Variants in MAP3K9 observed in about 807,000 individuals in gnomAD.
The protein encoded by MAP3K9 is mitogen-activated protein kinase kinase kinase 9.
MAP3K9 carries 46 observed loss-of-function variants against 95.8 expected under a neutral mutation model. The ratio of observed to expected loss-of-function variants is 0.48; its 90% CI spans 0.38 to 0.61. MAP3K9 has a LOEUF of 0.61. Ranked by LOEUF, MAP3K9 falls within the 20% of genes least tolerant of loss-of-function variation. The probability of loss-of-function intolerance (pLI) is 0.00; values close to 1 mark genes in which losing one functional copy is unlikely to be tolerated. For missense variants in MAP3K9, 1,296 were observed against 1,474.3 expected (o/e 0.88, Z 1.98); for synonymous variants, 533 against 593.8 (o/e 0.90, Z 1.49).
chr14:70,761,253 C>A, intron 2 of MAP3K9, 71 bp from the exon 3 acceptor site: 1 of 1,302,418 alleles, frequency 7.7e-7, no homozygotes. Flanking sequence ...GAACAGAACT[C>A]TTCTGCCATC....
At chr14:70,787,643 C>T (rs181822392) in intron 2 of MAP3K9, among the ~76,000 whole-genome samples, 5 of 152,234 alleles carry the variant, frequency 3.3e-5, no homozygotes, top group Admixed American at 3.3e-4. Context: ...CAAAGACACA[C>T]ATTGGGCTTC....
At chr14:70,733,380 G>A (rs1376347475) in intron 10 of MAP3K9, 38 bp from the exon 11 acceptor site, 2 of 916,404 alleles carry the variant, frequency 2.2e-6, no homozygotes, top group South Asian at 3.4e-5. Flanking sequence ...AACAGGAAAT[G>A]GAAATGAGGT....
chr14:70,764,397 T>A (rs1484058477), intron 2 of MAP3K9, among the ~76,000 whole-genome samples: 1 of 151,656 alleles, frequency 6.6e-6, no homozygotes, highest in African/African-American at 2.4e-5. Context: ...GTGTCTTAGT[T>A]TTTAACAAAA....
At chr14:70,745,702 C>CA (rs1174612414) in intron 5 of MAP3K9, among the ~76,000 whole-genome samples, 2 of 151,444 alleles carry the variant, frequency 1.3e-5, no homozygotes, top group Non-Finnish European at 2.9e-5. Flanking sequence ...CATGCCACTG[C>CA]ACTCCGGCCT....
rs1594759453 is a variant in MAP3K9 at position 70,730,219 on chromosome 14, C to G, written c.*161G>C. On this transcript the variant is annotated 3_prime_UTR_variant, in exon 12 of 12. Coordinates refer to ENST00000554752, the MANE Select transcript of MAP3K9 (RefSeq NM_001284230.2). ...AAGGCCCTGCAGGGCAGGAGACCCT[C>G]TGAAGTGGCCCTGTTTCCATCCCTT... 9.3e-7 allele frequency: 1 copy of G among 1,071,378 alleles called. No individual in the cohort carries two copies. Among genetic ancestry groups the G allele is most frequent in the East Asian group, 2.6e-5 (1 of 38,946 alleles). 66.4% of individuals were successfully genotyped at this position (1,071,378 alleles called of 1,614,324 possible).
intron 2 of MAP3K9, among the ~76,000 whole-genome samples, chr14:70,791,248 T>TTTTA (rs2054804033): frequency 6.6e-6 from 1 of 152,170 alleles, no homozygotes; most frequent in Non-Finnish European, 1.5e-5. Context: ...TCACCAAGGC[T>TTTTA]GTTTTCTGCA....
intron 5 of MAP3K9, among the ~76,000 whole-genome samples, chr14:70,742,911 T>TATATATATATATATATATATATATA (rs2054094808): frequency 7.0e-6 from 1 of 143,110 alleles, no homozygotes; most frequent in Admixed American, 7.0e-5. Context: ...TTATATATAT[T>TATATATATATATATATATATATATA]TATATATATA....
chr14:70,768,960 A>G (rs2054494008), intron 2 of MAP3K9, among the ~76,000 whole-genome samples: 3 of 152,136 alleles, frequency 2.0e-5, no homozygotes, highest in Non-Finnish European at 4.4e-5. Flanking sequence ...TTTGGTTTTG[A>G]GGGTTATGTT....
Position 70,748,662 on chromosome 14 carries a change from C to T in MAP3K9, c.1326+167G>A, listed in dbSNP as rs564667973. Among the ~76,000 whole-genome samples the T allele has an allele frequency of 8.5e-5, 13 of 152,294 alleles. 1 individual carries two copies. The highest frequency in any genetic ancestry group is 7.2e-4 in the Admixed American group (11 of 15,304). On this transcript the variant is annotated intron_variant, in intron 5 of 11. Coordinates refer to ENST00000554752, the MANE Select transcript of MAP3K9 (RefSeq NM_001284230.2). The stretch of plus-strand genomic sequence containing the variant: ...TGGGATTTTGCCCAACTGCATTCTT[C>T]TCTGGTTTGGACAATTAAGTAGATA...
intron 5 of MAP3K9, among the ~76,000 whole-genome samples, chr14:70,748,200 T>C (rs148530491): frequency 2.8e-4 from 43 of 152,082 alleles, no homozygotes; most frequent in African/African-American, 1.0e-3. Context: ...CCTGCCCCTA[T>C]ATAAGCAATA....
Position 70,784,608 on chromosome 14 carries a change from TG to T in MAP3K9, c.820+16058del, listed in dbSNP as rs543557163. Among the ~76,000 whole-genome samples the T allele has an allele frequency of 4.3e-4, 66 of 152,172 alleles. No individual in the cohort carries two copies. In the South Asian group the frequency reaches 5.6e-3, roughly 13 times the overall value. On this transcript the variant is annotated intron_variant, in intron 2 of 11. Coordinates refer to ENST00000554752, the MANE Select transcript of MAP3K9 (RefSeq NM_001284230.2). The stretch of plus-strand genomic sequence containing the variant: ...AAATACAAAAATTAGCCAGGTGTGG[TG>T]GCAGGCGTCAGTAATCCCAGCTACT...
Position 70,728,762 on chromosome 14 carries a change from G to C in MAP3K9, c.*1618C>G, listed in dbSNP as rs568662477. 6.6e-6 allele frequency: 1 copy of C among 152,358 alleles called. No homozygotes were observed. The highest frequency in any genetic ancestry group is 6.5e-5 in the Admixed American group (1 of 15,308). 9.4% of individuals were successfully genotyped at this position (152,358 alleles called of 1,614,324 possible). On this transcript the variant is annotated 3_prime_UTR_variant, in exon 12 of 12. Coordinates refer to ENST00000554752, the MANE Select transcript of MAP3K9 (RefSeq NM_001284230.2). ...CTATCCCAGTTATAGAGAAAGAGCA[G>C]TGACCAATTCATCACTGTTGCCAGC...
chr14:70,748,726 A>G, intron 5 of MAP3K9, 103 bp downstream of exon 5: 1 of 822,348 alleles, frequency 1.2e-6, no homozygotes, highest in Non-Finnish European at 1.9e-6. Flanking sequence ...CAAGATGGTC[A>G]GTCAGACTCG....
chr14:70,749,733 C>T, intron 4 of MAP3K9, 200 bp downstream of exon 4: 1 of 575,576 alleles, frequency 1.7e-6, no homozygotes, highest in Non-Finnish European at 3.0e-6. Context: ...CTTCTACAGT[C>T]CCTGGAGATA....
chr14:70,737,572 CAT>C (rs2054002307), intron 8 of MAP3K9, among the ~76,000 whole-genome samples: 1 of 152,178 alleles, frequency 6.6e-6, no homozygotes, highest in South Asian at 2.1e-4. Flanking sequence ...GAGGAGCCAT[CAT>C]ACATGGCAGT....
chr14:70,790,461 C>A (rs542407154), intron 2 of MAP3K9, among the ~76,000 whole-genome samples: 1 of 152,218 alleles, frequency 6.6e-6, no homozygotes, highest in African/African-American at 2.4e-5. Context: ...AGATCACAGA[C>A]GTGCCCAAGG....
At position 70,748,845 on chromosome 14, in the gene MAP3K9, A is replaced by T; in HGVS notation, c.1310T>A (p.Leu437His). Residue 437 changes from leucine (L) to histidine (H), a missense_variant, in exon 5 of 12, where the codon CTC (leucine) becomes CAC (histidine). Physicochemically the swap from Leu to His is moderately conservative, Grantham distance 99. Around this residue, in one of 5 missense-constraint regions of MAP3K9, gnomAD observed 377 missense variants for 417.1 expected, o/e 0.90. Coordinates refer to ENST00000554752, the MANE Select transcript of MAP3K9 (RefSeq NM_001284230.2). ...KHEIQEMFDQ[L>H]RAKEKELRTW... ...TTTGTTTACCTTTTCTTTGGCCCTG[A>T]GTTGGTCAAACATCTCCTGAATCTC... 1 of 1,610,810 alleles carries T rather than the reference A, an allele frequency of 6.2e-7. No homozygotes were observed. The highest frequency in any genetic ancestry group is 8.5e-7 in the Non-Finnish European group (1 of 1,178,984).
chr14:70,805,174 G>A (rs535724891), intron 1 of MAP3K9, among the ~76,000 whole-genome samples: 6 of 152,266 alleles, frequency 3.9e-5, no homozygotes, highest in East Asian at 1.9e-4. Flanking sequence ...CCTCTCAATC[G>A]TATGCTTGGA....
At chr14:70,774,020 T>G (rs2054563301) in intron 2 of MAP3K9, among the ~76,000 whole-genome samples, 1 of 152,304 alleles carries the variant, frequency 6.6e-6, no homozygotes, top group African/African-American at 2.4e-5. Flanking sequence ...AAGATCCCAG[T>G]CAACAGAGTC....
Sources: allele counts gnomAD v4.1 joint callset (sites outside exome capture counted in the v4.1 genomes callset), GRCh38; gene constraint gnomAD v4.1.1; regional missense constraint gnomAD v4.1.1; transcripts MANE v1.5; gene names NCBI Gene and HGNC (gene_info 2026-07-23, HGNC 2026-07-21).